Variants in FRMD4B observed in about 807,000 individuals in gnomAD.
FRMD4B encodes FERM domain-containing protein 4B.
In FRMD4B, 74 loss-of-function variants were observed where a neutral mutation model predicts 141.5. The observed-to-expected ratio is 0.52, with a 90% CI of 0.43 to 0.63. The LOEUF is 0.63. FRMD4B is among the 30% of genes least tolerant of loss of function. The probability of loss-of-function intolerance (pLI) is 0.00; values close to 1 mark genes in which losing one functional copy is unlikely to be tolerated. For missense variants in FRMD4B, 1,366 were observed against 1,253.4 expected (o/e 1.09, Z -1.36); for synonymous variants, 506 against 467.9 (o/e 1.08, Z -1.05).
At chr3:69,532,188 C>G (rs1701017596) in intron 1 of FRMD4B, among the ~76,000 whole-genome samples, 1 of 152,072 alleles carries the variant, frequency 6.6e-6, no homozygotes, top group South Asian at 2.1e-4. Context: ...CCCCACATAC[C>G]CTTATCTTTT....
At chr3:69,476,084 T>C (rs1234945530) in intron 1 of FRMD4B, among the ~76,000 whole-genome samples, 2 of 151,012 alleles carry the variant, frequency 1.3e-5, no homozygotes, top group South Asian at 4.2e-4. Context: ...TTTGAGTTCA[T>C]TGTAGATTCT....
At chr3:69,373,320 A>G (rs1575772902) in intron 1 of FRMD4B, among the ~76,000 whole-genome samples, 2 of 152,248 alleles carry the variant, frequency 1.3e-5, no homozygotes, top group African/African-American at 4.8e-5. Context: ...AGGTAAATGT[A>G]GAAAAGGAAG....
chr3:69,328,234 C>T (rs1015186194), intron 1 of FRMD4B, among the ~76,000 whole-genome samples: 15 of 152,176 alleles, frequency 9.9e-5, no homozygotes, highest in African/African-American at 3.4e-4. Flanking sequence ...TAATAAAACT[C>T]TTCACTTTCC....
chr3:69,209,129 G>A (rs2093052404), intron 11 of FRMD4B, among the ~76,000 whole-genome samples: 1 of 150,234 alleles, frequency 6.7e-6, no homozygotes, highest in Non-Finnish European at 1.5e-5. Context: ...GGGCAACAGA[G>A]CGAGAATCCA....
intron 1 of FRMD4B, chr3:69,471,368 TA>T: frequency 4.7e-6 from 1 of 211,464 alleles, no homozygotes. Flanking sequence ...ATAAGGTGTG[TA>T]AAGATAGCCT....
At chr3:69,384,320 C>A (rs1704196624) in intron 1 of FRMD4B, among the ~76,000 whole-genome samples, 1 of 152,156 alleles carries the variant, frequency 6.6e-6, no homozygotes, top group African/African-American at 2.4e-5. Flanking sequence ...TACAGATAAG[C>A]CATAAATCCT....
At chr3:69,324,898 C>T (rs982292313) in intron 1 of FRMD4B, among the ~76,000 whole-genome samples, 3 of 151,532 alleles carry the variant, frequency 2.0e-5, no homozygotes, top group Non-Finnish European at 4.4e-5. Context: ...AGTCTGAGAT[C>T]AGCCTGAGCA....
intron 1 of FRMD4B, among the ~76,000 whole-genome samples, chr3:69,462,237 G>C (rs951379057): frequency 6.6e-6 from 1 of 152,182 alleles, no homozygotes; most frequent in African/African-American, 2.4e-5. Flanking sequence ...AACTGTCTGA[G>C]AGACTGTGTG....
intron 7 of FRMD4B, among the ~76,000 whole-genome samples, chr3:69,238,235 T>G (rs1439190060): frequency 6.6e-6 from 1 of 152,198 alleles, no homozygotes; most frequent in Non-Finnish European, 1.5e-5. Context: ...AGCCAGTACA[T>G]ACCTAGGAAA....
At chr3:69,173,864 C>T (rs757620904) in intron 22 of FRMD4B, among the ~76,000 whole-genome samples, 10 of 152,138 alleles carry the variant, frequency 6.6e-5, no homozygotes, top group South Asian at 2.1e-4. Flanking sequence ...CTGGGCTGGG[C>T]GCCGTGGGTT....
At chr3:69,172,390 C>T (rs1008842338) in intron 22 of FRMD4B, among the ~76,000 whole-genome samples, 1 of 152,134 alleles carries the variant, frequency 6.6e-6, no homozygotes, top group Admixed American at 6.6e-5. Context: ...TCTTTTCCAA[C>T]ATTCTCTCTT....
chr3:69,523,624 CT>C (rs1700887218), intron 1 of FRMD4B, among the ~76,000 whole-genome samples: 1 of 152,104 alleles, frequency 6.6e-6, no homozygotes. Context: ...AACAACAGCC[CT>C]TCCTAGAAGT....
chr3:69,226,763 T>C (rs376225866), intron 7 of FRMD4B, among the ~76,000 whole-genome samples: 1 of 152,340 alleles, frequency 6.6e-6, no homozygotes, highest in South Asian at 2.1e-4. Context: ...ATGATGGAAC[T>C]GTTTTTAACT....
chr3:69,343,598 T>TTTTA (rs1471660184), intron 1 of FRMD4B, among the ~76,000 whole-genome samples: 1 of 130,732 alleles, frequency 7.6e-6, no homozygotes, highest in Non-Finnish European at 1.7e-5. Context: ...TTTTTTTTTT[T>TTTTA]AGACGGGGTC....
intron 5 of FRMD4B, among the ~76,000 whole-genome samples, chr3:69,263,817 C>CA (rs2093543606): frequency 1.5e-5 from 1 of 68,520 alleles, no homozygotes; most frequent in Non-Finnish European, 2.5e-5. Flanking sequence ...AACCCCATTC[C>CA]TTTTTTTTTT....
At chr3:69,410,167 C>T (rs995520860) in intron 2 of FRMD4B, among the ~76,000 whole-genome samples, 2 of 152,182 alleles carry the variant, frequency 1.3e-5, no homozygotes, top group African/African-American at 2.4e-5. Flanking sequence ...GGTTAACTTT[C>T]GTTGGTACCT....
At chr3:69,375,484 G>GA (rs11389808) in intron 1 of FRMD4B, among the ~76,000 whole-genome samples, 61,158 of 151,994 alleles carry the variant, frequency 0.4, 15,283 homozygotes, top group African/African-American at 0.72. Context: ...TTTTACAGCA[G>GA]AAAAAAATAG....
At chr3:69,231,698 T>C (rs1311428780) in intron 7 of FRMD4B, among the ~76,000 whole-genome samples, 1 of 152,198 alleles carries the variant, frequency 6.6e-6, no homozygotes, top group Non-Finnish European at 1.5e-5. Context: ...GTTGAGTGGA[T>C]GTGGGGAAAG....
Position 69,245,222 on chromosome 3 carries a change from C to A in FRMD4B, c.581+4004G>T, listed in dbSNP as rs139109659. Among the ~76,000 whole-genome samples the A allele has an allele frequency of 6.6e-3, 1,003 of 152,242 alleles. 15 individuals carry two copies. The highest frequency in any genetic ancestry group is 0.023 in the African/African-American group (964 of 41,546). ...TCAAGATTACACAGGTAATAAGTAG[C>A]CAAGCTGGCATTTGAATCAGGCTGT... On this transcript the variant is annotated intron_variant, in intron 7 of 22. Coordinates refer to ENST00000398540, the MANE Select transcript of FRMD4B (RefSeq NM_015123.3).
Sources: allele counts gnomAD v4.1 joint callset (sites outside exome capture counted in the v4.1 genomes callset), GRCh38; gene constraint gnomAD v4.1.1; transcripts MANE v1.5; gene names NCBI Gene and HGNC (gene_info 2026-07-23, HGNC 2026-07-21).